The following ADGRL3 variants were observed in gnomAD, a reference collection of about 807,000 sequenced individuals.
The protein encoded by ADGRL3 is calcium-independent alpha-latrotoxin receptor 3.
In ADGRL3, 62 loss-of-function variants were observed where a neutral mutation model predicts 153.5. The ratio of observed to expected loss-of-function variants is 0.40; its 90% confidence interval spans 0.33 to 0.50. The LOEUF (loss-of-function observed/expected upper bound fraction) is 0.50, where lower values mean the gene tolerates loss of function less well. Ranked by LOEUF, ADGRL3 falls within the 20% of genes least tolerant of loss-of-function variation. ADGRL3 has a pLI of 0.47. For missense variants in ADGRL3, 1,641 were observed against 1,859.4 expected (o/e 0.88, Z 2.16); for synonymous variants, 710 against 672.5 (o/e 1.06, Z -0.86).
In ADGRL3 at chr4:61,397,822, A is replaced by C. The variant is rs149477733; in HGVS notation, c.-174+14633A>C. Among the ~76,000 whole-genome samples, 217 of 152,092 alleles carry C rather than the reference A, an allele frequency of 1.4e-3. 1 individual carries two copies. The highest frequency in any genetic ancestry group is 5.1e-3 in the African/African-American group (210 of 41,550). On this transcript the variant is annotated intron_variant, in intron 2 of 26. Transcript: ENST00000683033. Reference sequence around the variant, plus strand: ...TCTCCAAAGACAGATTTTAAACTTTAAATGAAAATCTCTATTTCTCTGTCT... The same window carrying C: ...TCTCCAAAGACAGATTTTAAACTTTCAATGAAAATCTCTATTTCTCTGTCT...
rs1262689018 is a variant in ADGRL3, at chr4:61,869,934, G to C, written c.1481-22722G>C. Among the ~76,000 whole-genome samples, 77 of 7,942 alleles carry C rather than the reference G, an allele frequency of 9.7e-3. 1 individual carries two copies. Among genetic ancestry groups the C allele is most frequent in the African/African-American group, 0.022 (73 of 3,330 alleles). 5.2% of individuals were successfully genotyped at this position (7,942 alleles called of 152,430 possible). ...GCCTGGGCAACAAGAGCAAAACTTTGTTAAAAAAAAAAAAAAAAAAAAAAA... is the reference window on the plus strand; with the variant it reads ...GCCTGGGCAACAAGAGCAAAACTTTCTTAAAAAAAAAAAAAAAAAAAAAAA... On this transcript the variant is annotated intron_variant, in intron 9 of 26. Transcript: ENST00000683033.
At chr4:62,032,206 G>T (rs965062049) in intron 23 of ADGRL3, among the ~76,000 whole-genome samples, 10 of 151,328 alleles carry the variant, frequency 6.6e-5, no homozygotes, top group African/African-American at 2.4e-4. Context: ...TCTAAGAGTT[G>T]TATTATTAGA....
chr4:61,500,522 C>T (rs2098376206), intron 3 of ADGRL3, among the ~76,000 whole-genome samples: 1 of 152,112 alleles, frequency 6.6e-6, no homozygotes, highest in Non-Finnish European at 1.5e-5. Flanking sequence ...AACTTGAAAC[C>T]TTAGATGACT....
At position 62,019,639 on chromosome 4, in the gene ADGRL3, G is replaced by GTAT. The variant is rs536256946; in HGVS notation, c.3396-9213_3396-9211dup. Among the ~76,000 whole-genome samples the GTAT allele has an allele frequency of 2.0e-3, 302 of 152,040 alleles. 1 individual carries two copies. Among genetic ancestry groups the GTAT allele is most frequent in the African/African-American group, 6.9e-3 (288 of 41,516 alleles). ...AATAATTATATCTCATTGGGCTTCT[G>GTAT]TATTAAAAGCAGAATTGAGATAGAG... On this transcript the variant is annotated intron_variant, in intron 21 of 26. Transcript: ENST00000683033.
chr4:61,983,845 G>A (rs1013979171), intron 19 of ADGRL3, among the ~76,000 whole-genome samples: 13 of 152,106 alleles, frequency 8.5e-5, no homozygotes, highest in African/African-American at 2.9e-4. Flanking sequence ...GTGTAATTAT[G>A]AAGAGATCAT....
At chr4:61,828,889 A>T (rs1305795274) in intron 9 of ADGRL3, among the ~76,000 whole-genome samples, 2 of 152,158 alleles carry the variant, frequency 1.3e-5, no homozygotes, top group Non-Finnish European at 2.9e-5. Context: ...AGAGCATAAT[A>T]TTTTATTTAA....
In ADGRL3 at chr4:61,705,104, A is replaced by G. The variant is rs1405552366; in HGVS notation, c.584-25518A>G. 3.3e-5 allele frequency among the ~76,000 whole-genome samples: 5 copies of G among 152,168 alleles called. No homozygotes were observed. In the South Asian group the frequency reaches 8.3e-4, roughly 25 times the overall value. ...ATGAATTACAAATGTTTGTAATAGCATCTAGAATGGTGAATCCTTTCCAGA... is the reference window on the plus strand; with the variant it reads ...ATGAATTACAAATGTTTGTAATAGCGTCTAGAATGGTGAATCCTTTCCAGA... On this transcript the variant is annotated intron_variant, in intron 6 of 26. Coordinates refer to ENST00000683033, the MANE Select transcript of ADGRL3 (RefSeq NM_001387552.1).
intron 8 of ADGRL3, among the ~76,000 whole-genome samples, chr4:61,813,146 G>A (rs2097649567): frequency 6.6e-6 from 1 of 152,132 alleles, no homozygotes; most frequent in Non-Finnish European, 1.5e-5. Flanking sequence ...TGTAATCCCA[G>A]CACTTTGGGA....
rs188378787 is a variant in ADGRL3, at chr4:61,614,127, A to G, written c.473+26687A>G. On this transcript the variant is annotated intron_variant, in intron 5 of 26. Transcript: ENST00000683033. The stretch of plus-strand genomic sequence containing the variant: ...AAATAAAAAAGTACTGCTGCTAACT[A>G]TATTTGCAGTATTCACAATTACCAG... Among the ~76,000 whole-genome samples the G allele has an allele frequency of 9.3e-4, 142 of 152,306 alleles. 2 individuals carry two copies. In the Middle Eastern group the frequency reaches 0.01, roughly 11 times the overall value.
rs556958381 is a variant in ADGRL3 at position 61,575,707 on chromosome 4, G to C, written c.260-11520G>C. 3.3e-5 allele frequency among the ~76,000 whole-genome samples: 5 copies of C among 152,048 alleles called. No individual in the cohort carries two copies. The East Asian group carries it at 9.7e-4, about 30-fold the overall frequency. ...GTGAAGGGTTGATATTTATCAGTCAGGAATGTCAGAATATGTATTTCTCAA... is the reference window on the plus strand; with the variant it reads ...GTGAAGGGTTGATATTTATCAGTCACGAATGTCAGAATATGTATTTCTCAA... On this transcript the variant is annotated intron_variant, in intron 4 of 26. Transcript: ENST00000683033.
At chr4:61,864,900 T>A (rs2098385110) in intron 9 of ADGRL3, among the ~76,000 whole-genome samples, 1 of 152,194 alleles carries the variant, frequency 6.6e-6, no homozygotes, top group Non-Finnish European at 1.5e-5. Flanking sequence ...AAGCATAGAA[T>A]GTAATGTTTC....
chr4:61,303,675 G>T (rs1231034368), intron 1 of ADGRL3, among the ~76,000 whole-genome samples: 1 of 152,108 alleles, frequency 6.6e-6, no homozygotes, highest in African/African-American at 2.4e-5. Flanking sequence ...TTAAGTGTCT[G>T]AAAAGTGGGA....
intron 1 of ADGRL3, among the ~76,000 whole-genome samples, chr4:61,331,275 C>A (rs561981232): frequency 6.6e-6 from 1 of 152,248 alleles, no homozygotes; most frequent in Non-Finnish European, 1.5e-5. Flanking sequence ...CATAGGTCAT[C>A]AACTTAATCA....
intron 4 of ADGRL3, among the ~76,000 whole-genome samples, chr4:61,519,693 T>G (rs1412485081): frequency 6.6e-6 from 1 of 152,162 alleles, no homozygotes; most frequent in Non-Finnish European, 1.5e-5. Context: ...AAGTAAGAGA[T>G]ATCACATTAT....
chr4:61,775,777 G>A, intron 8 of ADGRL3: 2 of 787,820 alleles, frequency 2.5e-6, no homozygotes, highest in South Asian at 2.7e-5. Context: ...GTGGATGAGG[G>A]CAGTCTTCAG....
Position 61,747,233 on chromosome 4 carries a change from A to T in ADGRL3, c.1399+13679A>T, listed in dbSNP as rs371853061. 5.0e-4 allele frequency among the ~76,000 whole-genome samples: 75 copies of T among 150,360 alleles called. No homozygotes were observed. In the East Asian group the frequency reaches 0.014, roughly 28 times the overall value. ...AATAATCAATAGCTTACCAACCAAAAAGAGTCCAGGACCAGATGGATTCAC... is the reference window on the plus strand; with the variant it reads ...AATAATCAATAGCTTACCAACCAAATAGAGTCCAGGACCAGATGGATTCAC... On this transcript the variant is annotated intron_variant, in intron 8 of 26. Transcript: ENST00000683033.
At chr4:61,253,232 G>A (rs1560385986) in intron 1 of ADGRL3, among the ~76,000 whole-genome samples, 1 of 152,176 alleles carries the variant, frequency 6.6e-6, no homozygotes, top group African/African-American at 2.4e-5. Context: ...ACACAGCAAA[G>A]TTATGTTAAT....
At chr4:61,898,622 C>CTTT (rs1346233783) in intron 11 of ADGRL3, among the ~76,000 whole-genome samples, 2 of 142,384 alleles carry the variant, frequency 1.4e-5, no homozygotes, top group African/African-American at 2.6e-5. Context: ...TCACCCTAAT[C>CTTT]TTTTTTTTTT....
rs183344732 is a variant in ADGRL3, at chr4:61,900,301, G to T, written c.1887+4467G>T. Among the ~76,000 whole-genome samples the T allele has an allele frequency of 5.4e-3, 814 of 151,146 alleles. 6 individuals carry two copies. Among genetic ancestry groups the T allele is most frequent in the African/African-American group, 0.019 (779 of 41,040 alleles). On this transcript the variant is annotated intron_variant, in intron 11 of 26. Transcript: ENST00000683033. ...ACATTTTCTTGAAAACATGAATTAT[G>T]TTTTTTTTTCCCCCAGCAATCAGGC...
Sources: allele counts gnomAD v4.1 joint callset (sites outside exome capture counted in the v4.1 genomes callset), GRCh38; gene constraint gnomAD v4.1.1; transcripts MANE v1.5; gene names NCBI Gene and HGNC (gene_info 2026-07-23, HGNC 2026-07-21).